Variants in SNTG1 observed in about 807,000 individuals in gnomAD.
The protein encoded by SNTG1 is gamma-1-syntrophin.
Under a neutral mutation model 74.7 loss-of-function variants are expected in SNTG1, and 39 were observed. That is an observed-to-expected ratio of 0.52 (90% CI 0.40 to 0.68). The LOEUF is 0.68. SNTG1 is among the 30% of genes least tolerant of loss of function. The pLI, the probability that SNTG1 is intolerant of heterozygous loss-of-function variation, is 0.00. For missense variants in SNTG1, 685 were observed against 609.5 expected (o/e 1.12, Z -1.30); for synonymous variants, 254 against 217.1 (o/e 1.17, Z -1.49).
intron 9 of SNTG1, among the ~76,000 whole-genome samples, chr8:50,521,768 A>G (rs1031076623): frequency 6.6e-6 from 1 of 152,190 alleles, no homozygotes; most frequent in African/African-American, 2.4e-5. Context: ...TGTTCATAGC[A>G]TCTTCACCAA....
At chr8:50,305,043 C>G (rs914369961) in intron 2 of SNTG1, among the ~76,000 whole-genome samples, 1 of 152,104 alleles carries the variant, frequency 6.6e-6, no homozygotes, top group Admixed American at 6.6e-5. Context: ...GCTGGGATTA[C>G]AGGTGCGGAC....
intron 11 of SNTG1, among the ~76,000 whole-genome samples, chr8:50,538,380 A>G (rs2094322404): frequency 6.6e-6 from 1 of 152,142 alleles, no homozygotes; most frequent in Admixed American, 6.5e-5. Context: ...AGCTTCTTTT[A>G]CCGCTTCCTT....
chr8:50,467,125 T>C (rs1476797264), intron 8 of SNTG1, among the ~76,000 whole-genome samples: 1 of 151,966 alleles, frequency 6.6e-6, no homozygotes, highest in Non-Finnish European at 1.5e-5. Flanking sequence ...TTGCTCTTAA[T>C]TTTTTTGTAA....
At chr8:50,006,891 C>T (rs1368182774) in intron 1 of SNTG1, among the ~76,000 whole-genome samples, 2 of 152,138 alleles carry the variant, frequency 1.3e-5, no homozygotes, top group African/African-American at 4.8e-5. Flanking sequence ...CTCATGGGCT[C>T]AAGGTCACCT....
At position 49,917,957 on chromosome 8, in the gene SNTG1, C is replaced by G. The variant is rs550725025; in HGVS notation, c.-103+5726C>G. Among the ~76,000 whole-genome samples, 16 of 149,818 alleles carry G rather than the reference C, an allele frequency of 1.1e-4. No homozygotes were observed. The East Asian group carries it at 3.2e-3, about 30-fold the overall frequency. On this transcript the variant is annotated intron_variant, in intron 1 of 18. Coordinates refer to ENST00000642720, the MANE Select transcript of SNTG1 (RefSeq NM_018967.5). ...GTGTGAAATCTACTTTTTGCTTTAC[C>G]TAATTTCATTGTTAAAATTTTGCAT... is the stretch of plus-strand genomic sequence containing the variant.
At chr8:50,295,893 A>T (rs533573738) in intron 2 of SNTG1, among the ~76,000 whole-genome samples, 1 of 152,298 alleles carries the variant, frequency 6.6e-6, no homozygotes, top group East Asian at 1.9e-4. Flanking sequence ...AGAGGCTTCA[A>T]CACCTAATGA....
chr8:50,037,991 C>A (rs999384570), intron 1 of SNTG1, among the ~76,000 whole-genome samples: 1 of 152,098 alleles, frequency 6.6e-6, no homozygotes, highest in Non-Finnish European at 1.5e-5. Context: ...AGCCTCCTTG[C>A]CCTCGCTTTT....
chr8:50,670,076 G>A (rs948027309), intron 15 of SNTG1, among the ~76,000 whole-genome samples: 4 of 152,002 alleles, frequency 2.6e-5, no homozygotes, highest in African/African-American at 9.7e-5. Context: ...CAAACCCACA[G>A]CCAATATCAT....
chr8:50,634,962 G>T (rs1174515956), intron 13 of SNTG1, among the ~76,000 whole-genome samples: 2 of 152,124 alleles, frequency 1.3e-5, no homozygotes, highest in Non-Finnish European at 2.9e-5. Context: ...GCCGCAGTCT[G>T]TACCTTTGGG....
intron 1 of SNTG1, among the ~76,000 whole-genome samples, chr8:50,149,167 C>T (rs1309910141): frequency 6.6e-6 from 1 of 152,120 alleles, no homozygotes; most frequent in Admixed American, 6.5e-5. Flanking sequence ...TTTCATGTGT[C>T]TGTTGGCTGC....
rs80178244 is a variant in SNTG1, at chr8:50,309,089, A to G, written c.-27-85123A>G. 7.9e-5 allele frequency among the ~76,000 whole-genome samples: 12 copies of G among 152,138 alleles called. No homozygotes were observed. In the East Asian group the frequency reaches 1.7e-3, roughly 22 times the overall value. Reference sequence around the variant, plus strand: ...AATACTTAGAAGAAATAAAAAAAAAATTTTCTAAAGCTATTTTACAACATT... The same window carrying G: ...AATACTTAGAAGAAATAAAAAAAAAGTTTTCTAAAGCTATTTTACAACATT... On this transcript the variant is annotated intron_variant, in intron 2 of 18. Transcript: ENST00000642720.
At chr8:50,721,231 T>C (rs1397164837) in intron 17 of SNTG1, among the ~76,000 whole-genome samples, 1 of 152,228 alleles carries the variant, frequency 6.6e-6, no homozygotes, top group Admixed American at 6.5e-5. Context: ...CAGCCAGCTT[T>C]GTATCCCTGT....
At chr8:50,068,226 G>C (rs1366809360) in intron 1 of SNTG1, among the ~76,000 whole-genome samples, 1 of 152,130 alleles carries the variant, frequency 6.6e-6, no homozygotes, top group African/African-American at 2.4e-5. Context: ...TGTGGGATTA[G>C]CGGGCCGGAC....
intron 1 of SNTG1, among the ~76,000 whole-genome samples, chr8:50,143,824 A>C (rs1174365559): frequency 6.6e-6 from 1 of 152,234 alleles, no homozygotes; most frequent in Admixed American, 6.5e-5. Context: ...TAACATATTA[A>C]GACTGACTTC....
intron 1 of SNTG1, among the ~76,000 whole-genome samples, chr8:49,989,808 A>C (rs1813510194): frequency 6.8e-6 from 1 of 146,928 alleles, no homozygotes; most frequent in Non-Finnish European, 1.5e-5. Context: ...AAAACCAAAC[A>C]ATGTAATATA....
At chr8:49,939,447 G>T (rs957101147) in intron 1 of SNTG1, among the ~76,000 whole-genome samples, 11 of 152,228 alleles carry the variant, frequency 7.2e-5, no homozygotes, top group African/African-American at 2.6e-4. Flanking sequence ...AAAAAGCAAT[G>T]TACTACACTT....
intron 5 of SNTG1, among the ~76,000 whole-genome samples, chr8:50,445,106 C>T (rs910610393): frequency 6.6e-6 from 1 of 152,172 alleles, no homozygotes; most frequent in African/African-American, 2.4e-5. Context: ...CTATTTTAGA[C>T]TTTCATATGA....
chr8:50,382,687 A>G (rs962316673), intron 2 of SNTG1, among the ~76,000 whole-genome samples: 2 of 152,348 alleles, frequency 1.3e-5, no homozygotes, highest in Admixed American at 1.3e-4. Context: ...AATTATTATC[A>G]CAAAATATTA....
intron 2 of SNTG1, among the ~76,000 whole-genome samples, chr8:50,230,766 C>T (rs1438871721): frequency 6.6e-6 from 1 of 150,816 alleles, no homozygotes; most frequent in African/African-American, 2.4e-5. Context: ...ATTAGAGACT[C>T]AAACATAAGA....
Sources: gnomAD v4.1 joint callset for allele counts (sites outside exome capture counted in the v4.1 genomes callset) on GRCh38, gnomAD v4.1.1 for gene constraint, MANE v1.5 for transcripts, NCBI Gene and HGNC (gene_info 2026-07-23, HGNC 2026-07-21) for gene names.